The following DLG2 variants were observed in gnomAD, a reference collection of about 807,000 sequenced individuals.
DLG2 encodes discs large MAGUK scaffold protein 2.
A neutral mutation model predicts 132.5 loss-of-function variants in DLG2; 45 were observed. The observed-to-expected ratio is 0.34, with a 90% CI of 0.27 to 0.44. DLG2 has a LOEUF of 0.44. Ranked by LOEUF, DLG2 falls within the 20% of genes least tolerant of loss-of-function variation. The probability of loss-of-function intolerance (pLI) is 1.00; values close to 1 mark genes in which losing one functional copy is unlikely to be tolerated. For missense variants in DLG2, 1,045 were observed against 1,196.9 expected, an observed-to-expected ratio of 0.87 and a Z score of 1.87; for synonymous variants, 424 against 419.6, an observed-to-expected ratio of 1.01 and a Z score of -0.13.
chr11:84,273,800 C>T (rs1484969314), intron 7 of DLG2, among the ~76,000 whole-genome samples: 1 of 152,148 alleles, frequency 6.6e-6, no homozygotes. Flanking sequence ...GTCCAGCTCT[C>T]CTCTCAGTTT....
intron 18 of DLG2, among the ~76,000 whole-genome samples, chr11:83,775,096 CCGCTA>C (rs1390060546): frequency 6.6e-6 from 1 of 152,206 alleles, no homozygotes; most frequent in African/African-American, 2.4e-5. Flanking sequence ...CTACTCCAAG[CCGCTA>C]CTGTCGGACT....
intron 6 of DLG2, among the ~76,000 whole-genome samples, chr11:84,659,058 A>G (rs1174477937): frequency 6.6e-6 from 1 of 152,184 alleles, no homozygotes; most frequent in East Asian, 1.9e-4. Flanking sequence ...TTTATAAGCC[A>G]CTTAGTCTAT....
intron 18 of DLG2, among the ~76,000 whole-genome samples, chr11:83,762,151 G>C (rs560356813): frequency 6.6e-6 from 1 of 152,146 alleles, no homozygotes; most frequent in African/African-American, 2.4e-5. Flanking sequence ...TTTGAAGAAG[G>C]CATCACAAAT....
At chr11:85,294,727 G>A (rs943676584) in intron 3 of DLG2, among the ~76,000 whole-genome samples, 2 of 152,142 alleles carry the variant, frequency 1.3e-5, no homozygotes, top group Non-Finnish European at 2.9e-5. Context: ...CCTGAACATA[G>A]AATATGCTCA....
chr11:84,817,778 A>G (rs1224263459), intron 6 of DLG2, among the ~76,000 whole-genome samples: 2 of 151,982 alleles, frequency 1.3e-5, no homozygotes, highest in Non-Finnish European at 2.9e-5. Flanking sequence ...TCAAAAAATC[A>G]TCTCCTGCTT....
chr11:83,688,829 G>T (rs1046533033), intron 18 of DLG2, among the ~76,000 whole-genome samples: 1 of 151,790 alleles, frequency 6.6e-6, no homozygotes, highest in East Asian at 1.9e-4. Context: ...TCTAATTTGG[G>T]GACCACCAAT....
chr11:84,339,785 C>A (rs2098505637), intron 7 of DLG2, among the ~76,000 whole-genome samples: 2 of 152,176 alleles, frequency 1.3e-5, no homozygotes, highest in Admixed American at 1.3e-4. Flanking sequence ...ACTCATAGAG[C>A]ATTGTTGCTA....
chr11:84,397,039 C>T (rs2098813377), intron 7 of DLG2, among the ~76,000 whole-genome samples: 1 of 152,134 alleles, frequency 6.6e-6, no homozygotes, highest in South Asian at 2.1e-4. Context: ...TGAATACTCC[C>T]TATGCAGTAT....
chr11:84,938,578 G>A (rs1178735322), intron 6 of DLG2, among the ~76,000 whole-genome samples: 1 of 152,136 alleles, frequency 6.6e-6, no homozygotes, highest in Non-Finnish European at 1.5e-5. Flanking sequence ...AAAGCATACA[G>A]ATTTACTTAA....
chr11:84,443,382 T>C (rs559666356), intron 7 of DLG2, among the ~76,000 whole-genome samples: 1 of 152,336 alleles, frequency 6.6e-6, no homozygotes, highest in East Asian at 1.9e-4. Flanking sequence ...AACACTCTTG[T>C]AGCTCTCTCT....
At chr11:84,350,905 T>A (rs1187049497) in intron 7 of DLG2, among the ~76,000 whole-genome samples, 1 of 152,218 alleles carries the variant, frequency 6.6e-6, no homozygotes, top group East Asian at 1.9e-4. Context: ...AAGCAATCTA[T>A]CAGACCAAAT....
At chr11:84,691,450 A>C (rs1402657350) in intron 6 of DLG2, among the ~76,000 whole-genome samples, 1 of 151,836 alleles carries the variant, frequency 6.6e-6, no homozygotes, top group East Asian at 1.9e-4. Context: ...AATCAGTAGA[A>C]AAAAATTTTA....
chr11:84,845,003 G>A (rs2081274841), intron 6 of DLG2, among the ~76,000 whole-genome samples: 1 of 152,100 alleles, frequency 6.6e-6, no homozygotes, highest in Non-Finnish European at 1.5e-5. Context: ...AACTTCCACA[G>A]AAGCAAATAC....
intron 6 of DLG2, among the ~76,000 whole-genome samples, chr11:84,960,338 C>T (rs1366954546): frequency 6.6e-6 from 1 of 152,170 alleles, no homozygotes; most frequent in Non-Finnish European, 1.5e-5. Context: ...CAGTTTTTCT[C>T]CTCCACACAG....
chr11:85,371,220 A>G (rs955229411), intron 3 of DLG2, among the ~76,000 whole-genome samples: 4 of 152,242 alleles, frequency 2.6e-5, no homozygotes, highest in African/African-American at 4.8e-5. Flanking sequence ...ATGAATATCA[A>G]GCAAAACAGG....
chr11:84,752,540 G>C (rs1460404259), intron 6 of DLG2, among the ~76,000 whole-genome samples: 1 of 150,282 alleles, frequency 6.7e-6, no homozygotes, highest in Non-Finnish European at 1.5e-5. Flanking sequence ...TAGATAACAT[G>C]GCTGCTTCTT....
At chr11:84,251,928 G>A (rs755961203) in intron 7 of DLG2, among the ~76,000 whole-genome samples, 43 of 151,716 alleles carry the variant, frequency 2.8e-4, no homozygotes, top group Non-Finnish European at 5.3e-4. Context: ...ATGAGCTACC[G>A]CACTCGACCT....
At chr11:84,546,345 A>G (rs1407925185) in intron 6 of DLG2, among the ~76,000 whole-genome samples, 3 of 152,096 alleles carry the variant, frequency 2.0e-5, no homozygotes, top group African/African-American at 2.4e-5. Context: ...GCCTTCTGCC[A>G]TGATTGAAAG....
At chr11:84,664,444 C>G (rs141971483) in intron 6 of DLG2, among the ~76,000 whole-genome samples, 1 of 152,144 alleles carries the variant, frequency 6.6e-6, no homozygotes, top group Non-Finnish European at 1.5e-5. Context: ...AAGACTTTGA[C>G]AAATGTTTAT....
Sources: allele counts gnomAD v4.1 joint callset (sites outside exome capture counted in the v4.1 genomes callset), GRCh38; gene constraint gnomAD v4.1.1; transcripts MANE v1.5; gene names NCBI Gene and HGNC (gene_info 2026-07-23, HGNC 2026-07-21).